Variants in DIP2C observed in about 807,000 individuals in gnomAD.
DIP2C encodes disco-interacting protein 2 homolog C.
DIP2C carries 33 observed loss-of-function variants against 192.4 expected under a neutral mutation model. The ratio of observed to expected loss-of-function variants is 0.17; its 90% CI spans 0.13 to 0.23. The LOEUF is 0.23. Among genes scored for constraint, DIP2C ranks in the 10% least tolerant of loss-of-function variants. The probability of loss-of-function intolerance (pLI) is 1.00; values close to 1 mark genes in which losing one functional copy is unlikely to be tolerated. For missense variants in DIP2C, 1,537 were observed against 2,110.1 expected, an observed-to-expected ratio of 0.73 and a Z score of 5.32; for synonymous variants, 979 against 864.1, an observed-to-expected ratio of 1.13 and a Z score of -2.33.
At chr10:451,493 CT>C (rs1417430114) in intron 3 of DIP2C, among the ~76,000 whole-genome samples, 1 of 152,166 alleles carries the variant, frequency 6.6e-6, no homozygotes, top group Non-Finnish European at 1.5e-5. Context: ...TCTATGTGGT[CT>C]TTCTTTTTGC....
At chr10:543,586 T>C (rs1432031885) in intron 1 of DIP2C, among the ~76,000 whole-genome samples, 1 of 152,238 alleles carries the variant, frequency 6.6e-6, no homozygotes, top group African/African-American at 2.4e-5. Context: ...TAACATATAG[T>C]ATGGATCGTT....
intron 32 of DIP2C, among the ~76,000 whole-genome samples, chr10:297,076 C>A (rs1955790028): frequency 6.6e-6 from 1 of 151,952 alleles, no homozygotes; most frequent in Admixed American, 6.6e-5. Flanking sequence ...GGCCTGTAGT[C>A]CCAGCTACTC....
chr10:335,794 G>C (rs371895497), intron 29 of DIP2C, among the ~76,000 whole-genome samples: 1 of 152,310 alleles, frequency 6.6e-6, no homozygotes, highest in East Asian at 1.9e-4. Flanking sequence ...CTATTTCGTG[G>C]ATGGCTACTA....
chr10:600,692 C>CCCA (rs1287828564), intron 1 of DIP2C, among the ~76,000 whole-genome samples: 3 of 152,194 alleles, frequency 2.0e-5, no homozygotes, highest in Non-Finnish European at 4.4e-5. Context: ...TCCTGGGTGC[C>CCCA]CCAGAGCGCT....
intron 1 of DIP2C, among the ~76,000 whole-genome samples, chr10:555,463 A>G (rs1848801234): frequency 6.6e-6 from 1 of 152,176 alleles, no homozygotes; most frequent in African/African-American, 2.4e-5. Context: ...TCCCTGGGTG[A>G]CCAGGCACAC....
At chr10:459,101 G>A (rs1174914902) in intron 3 of DIP2C, among the ~76,000 whole-genome samples, 1 of 152,098 alleles carries the variant, frequency 6.6e-6, no homozygotes, top group Non-Finnish European at 1.5e-5. Context: ...TGCCAGTGGG[G>A]CTAATATTTT....
chr10:548,553 AGAGGTGATGTGGCCGGGAGG>A (rs1439113734), intron 1 of DIP2C, among the ~76,000 whole-genome samples: 43 of 141,228 alleles, frequency 3.0e-4, no homozygotes, highest in African/African-American at 1.0e-3. Flanking sequence ...CAGCGAGGAC[AGAGGTGATGTGGCCGGGAGG>A]GAGGTGATGT....
intron 1 of DIP2C, among the ~76,000 whole-genome samples, chr10:564,359 G>T (rs1196584692): frequency 6.6e-6 from 1 of 152,050 alleles, no homozygotes; most frequent in Non-Finnish European, 1.5e-5. Context: ...ACCCCAGCCT[G>T]GACGTCACCT....
At chr10:607,766 A>C (rs1852602096) in intron 1 of DIP2C, among the ~76,000 whole-genome samples, 1 of 152,100 alleles carries the variant, frequency 6.6e-6, no homozygotes, top group Non-Finnish European at 1.5e-5. Flanking sequence ...CTTCAGAGAC[A>C]ATGGAAACCT....
intron 1 of DIP2C, among the ~76,000 whole-genome samples, chr10:543,072 G>A (rs148113820): frequency 4.9e-4 from 75 of 152,256 alleles, no homozygotes; most frequent in Middle Eastern, 6.8e-3. Context: ...TGATGACACC[G>A]ATACCAACAC....
chr10:378,217 G>C (rs56135630), intron 17 of DIP2C, among the ~76,000 whole-genome samples: 145 of 152,278 alleles, frequency 9.5e-4, no homozygotes, highest in African/African-American at 3.3e-3. Context: ...CAGTTTTAAA[G>C]AGAAAAAAAT....
chr10:465,242 T>C (rs1970110470), intron 3 of DIP2C, among the ~76,000 whole-genome samples: 2 of 145,992 alleles, frequency 1.4e-5, no homozygotes, highest in South Asian at 2.4e-4. Context: ...TATACTCAAA[T>C]CAATAAATGT....
At chr10:619,551 C>A (rs1000079402) in intron 1 of DIP2C, among the ~76,000 whole-genome samples, 2 of 135,946 alleles carry the variant, frequency 1.5e-5, no homozygotes, top group South Asian at 2.2e-4. Context: ...GCCCTCCCAC[C>A]CAGCTCCTCA....
chr10:590,232 G>C (rs1042179672), intron 1 of DIP2C, among the ~76,000 whole-genome samples: 4 of 152,212 alleles, frequency 2.6e-5, no homozygotes, highest in African/African-American at 9.6e-5. Context: ...GGGCAACCAA[G>C]GTAGTTATCA....
At chr10:365,735 A>C (rs747206329) in intron 19 of DIP2C, among the ~76,000 whole-genome samples, 1 of 152,246 alleles carries the variant, frequency 6.6e-6, no homozygotes, top group Non-Finnish European at 1.5e-5. Context: ...CCATGCACGC[A>C]CATTACACAC....
At chr10:474,722 G>A (rs989120661) in intron 2 of DIP2C, among the ~76,000 whole-genome samples, 4 of 152,224 alleles carry the variant, frequency 2.6e-5, no homozygotes, top group Non-Finnish European at 5.9e-5. Context: ...TTCTACCCCA[G>A]TGAGACCGAG....
At chr10:615,836 A>AC (rs1853435609) in intron 1 of DIP2C, among the ~76,000 whole-genome samples, 1 of 152,050 alleles carries the variant, frequency 6.6e-6, no homozygotes, top group Non-Finnish European at 1.5e-5. Flanking sequence ...GTGTCACTTC[A>AC]CCCAAAAGGG....
At chr10:640,763 A>C (rs1855147541) in intron 1 of DIP2C, among the ~76,000 whole-genome samples, 1 of 149,224 alleles carries the variant, frequency 6.7e-6, no homozygotes, top group Admixed American at 6.7e-5. Context: ...GGGCGCCGGG[A>C]AGAGGGTGGG....
At chr10:475,322 G>A (rs773040675) in intron 2 of DIP2C, among the ~76,000 whole-genome samples, 18 of 152,116 alleles carry the variant, frequency 1.2e-4, no homozygotes, top group Admixed American at 4.6e-4. Flanking sequence ...CTTGTGCTGT[G>A]GACTTATATA....
Sources: gnomAD v4.1 joint callset for allele counts (sites outside exome capture counted in the v4.1 genomes callset) on GRCh38, gnomAD v4.1.1 for gene constraint, MANE v1.5 for transcripts, NCBI Gene and HGNC (gene_info 2026-07-23, HGNC 2026-07-21) for gene names.